The following FRMD6 variants were observed in gnomAD, a reference collection of about 807,000 sequenced individuals.
FRMD6 encodes FERM domain-containing protein 6.
Under a neutral mutation model 73.2 loss-of-function variants are expected in FRMD6, and 37 were observed. The observed-to-expected ratio is 0.51, with a 90% CI of 0.39 to 0.66. The LOEUF (loss-of-function observed/expected upper bound fraction) is 0.66. Ranked by LOEUF, FRMD6 falls within the 30% of genes least tolerant of loss-of-function variation. The pLI is 0.00. For missense variants in FRMD6, 714 were observed against 780.5 expected (o/e 0.91, Z 1.02); for synonymous variants, 273 against 282.2 (o/e 0.97, Z 0.33).
chr14:51,693,873 G>C (rs950761472), intron 2 of FRMD6, among the ~76,000 whole-genome samples: 1 of 152,140 alleles, frequency 6.6e-6, no homozygotes, highest in Non-Finnish European at 1.5e-5. Context: ...ACGTAGGATG[G>C]AGGCTTCCCC....
chr14:51,433,309 A>T, the FRMD6 span, among the ~76,000 whole-genome samples: 2 of 152,228 alleles, frequency 1.3e-5, no homozygotes, highest in Non-Finnish European at 2.9e-5. Flanking sequence ...AGATAGAAGA[A>T]TGATTGAATA....
chr14:51,527,655 T>G (rs913983935), intron 1 of FRMD6, among the ~76,000 whole-genome samples: 5 of 152,258 alleles, frequency 3.3e-5, no homozygotes, highest in African/African-American at 7.2e-5. Context: ...AGTTGCTTTA[T>G]GCTCAGCAGC....
chr14:51,581,286 A>G (rs1390206803), intron 2 of FRMD6, among the ~76,000 whole-genome samples: 1 of 152,160 alleles, frequency 6.6e-6, no homozygotes, highest in Non-Finnish European at 1.5e-5. Context: ...CAGGACCTAG[A>G]CATTCATCCA....
chr14:51,426,346 C>T, the FRMD6 span, among the ~76,000 whole-genome samples: 37 of 152,214 alleles, frequency 2.4e-4, no homozygotes, highest in East Asian at 1.9e-4. Flanking sequence ...ACTGTGCCCG[C>T]GTCTGTGTGT....
chr14:51,497,004 C>A (rs2140192022), intron 1 of FRMD6, among the ~76,000 whole-genome samples: 1 of 152,228 alleles, frequency 6.6e-6, no homozygotes, highest in Middle Eastern at 3.4e-3. Flanking sequence ...CAAGTTAAAC[C>A]ATACACCCAC....
chr14:51,404,633 A>G, the FRMD6 span, among the ~76,000 whole-genome samples: 1 of 152,176 alleles, frequency 6.6e-6, no homozygotes, highest in South Asian at 2.1e-4. Context: ...CAATTGTTCC[A>G]GTACCATGTT....
intron 1 of FRMD6, among the ~76,000 whole-genome samples, chr14:51,550,116 T>C (rs1205554698): frequency 2.0e-5 from 3 of 152,244 alleles, no homozygotes; most frequent in African/African-American, 7.2e-5. Flanking sequence ...TCATGCCACA[T>C]TGGCTAATGC....
chr14:51,486,354 T>C (rs1392591214), upstream of FRMD6, among the ~76,000 whole-genome samples: 1 of 152,080 alleles, frequency 6.6e-6, no homozygotes, highest in Non-Finnish European at 1.5e-5. Flanking sequence ...ATCACTTTCT[T>C]TGTGGGAGTC....
the FRMD6 span, among the ~76,000 whole-genome samples, chr14:51,480,389 T>C: frequency 1.3e-5 from 2 of 152,264 alleles, no homozygotes; most frequent in South Asian, 2.1e-4. Context: ...AACAAACGAA[T>C]TGGGAAAGAA....
chr14:51,631,312 T>C (rs1891328973), intron 2 of FRMD6, among the ~76,000 whole-genome samples: 1 of 152,230 alleles, frequency 6.6e-6, no homozygotes, highest in Non-Finnish European at 1.5e-5. Context: ...GGAGGAATTC[T>C]CTCAAAGAAA....
At chr14:51,513,318 C>A (rs1884424276) in intron 1 of FRMD6, among the ~76,000 whole-genome samples, 1 of 152,212 alleles carries the variant, frequency 6.6e-6, no homozygotes, top group Admixed American at 6.5e-5. Context: ...AGAGAAGAGC[C>A]ATCCCTGCAG....
chr14:51,574,468 C>T (rs1319524189), intron 2 of FRMD6, among the ~76,000 whole-genome samples: 4 of 152,146 alleles, frequency 2.6e-5, no homozygotes, highest in Non-Finnish European at 5.9e-5. Flanking sequence ...GTATGCACAA[C>T]GGAGTACTAC....
intron 1 of FRMD6, among the ~76,000 whole-genome samples, chr14:51,523,845 G>A (rs1055081161): frequency 3.3e-5 from 5 of 152,180 alleles, no homozygotes; most frequent in Admixed American, 6.5e-5. Context: ...AGTGTTACAC[G>A]TTTGGAAGTG....
At chr14:51,459,709 C>T in the FRMD6 span, among the ~76,000 whole-genome samples, 1 of 151,342 alleles carries the variant, frequency 6.6e-6, no homozygotes, top group African/African-American at 2.4e-5. Flanking sequence ...TGCCTGTAGT[C>T]CCAGCTGCTC....
chr14:51,578,805 G>A (rs1362484116), intron 2 of FRMD6, among the ~76,000 whole-genome samples: 1 of 152,170 alleles, frequency 6.6e-6, no homozygotes, highest in African/African-American at 2.4e-5. Flanking sequence ...AAGCAGGGAG[G>A]TACATATCAT....
chr14:51,686,846 C>T (rs547915205), intron 1 of FRMD6, among the ~76,000 whole-genome samples: 3 of 152,154 alleles, frequency 2.0e-5, no homozygotes, highest in African/African-American at 7.2e-5. Flanking sequence ...CCCAGGACTG[C>T]CCAATTTAAG....
chr14:51,403,805 A>G, the FRMD6 span, among the ~76,000 whole-genome samples: 247 of 152,368 alleles, frequency 1.6e-3, 2 homozygotes, highest in African/African-American at 5.7e-3. Flanking sequence ...TTGAATGAAT[A>G]TGCCACAAAC....
chr14:51,436,459 A>T, the FRMD6 span: 6 of 586,634 alleles, frequency 1.0e-5, no homozygotes, highest in Non-Finnish European at 1.8e-5. Context: ...TTTTATTTTG[A>T]TGAAAATCCT....
chr14:51,715,608 C>T (rs1412705024), intron 10 of FRMD6, 109 bp downstream of exon 10: 2 of 854,278 alleles, frequency 2.3e-6, no homozygotes, highest in East Asian at 5.3e-5. Context: ...GGGACTGGGA[C>T]ACTCCAGATT....
Sources: gnomAD v4.1 joint callset for allele counts (sites outside exome capture counted in the v4.1 genomes callset) on GRCh38, gnomAD v4.1.1 for gene constraint, MANE v1.5 for transcripts, NCBI Gene and HGNC (gene_info 2026-07-23, HGNC 2026-07-21) for gene names.